Variants in SLC17A6 observed in about 807,000 individuals in gnomAD.
The protein encoded by SLC17A6 is solute carrier family 17 member 6.
Under a neutral mutation model 67.1 loss-of-function variants are expected in SLC17A6, and 35 were observed. That is an observed-to-expected ratio of 0.52 (90% CI 0.40 to 0.69). The LOEUF (loss-of-function observed/expected upper bound fraction) is 0.69, where lower values mean the gene tolerates loss of function less well. Ranked by LOEUF, SLC17A6 falls within the 30% of genes least tolerant of loss-of-function variation. The pLI is 0.00. For synonymous variants in SLC17A6, 285 were observed against 252.3 expected (o/e 1.13, Z -1.23); for missense variants, 588 against 723.9 (o/e 0.81, Z 2.15).
chr11:22,373,236 G>A (rs900227576), intron 8 of SLC17A6, among the ~76,000 whole-genome samples: 2 of 152,140 alleles, frequency 1.3e-5, no homozygotes, highest in African/African-American at 4.8e-5. Context: ...AGTCGTTTAT[G>A]TGGACTTAGG....
At chr11:22,355,364 A>G (rs181525504) in intron 3 of SLC17A6, among the ~76,000 whole-genome samples, 46 of 152,274 alleles carry the variant, frequency 3.0e-4, no homozygotes, top group Non-Finnish European at 5.0e-4. Flanking sequence ...AAATTACTGT[A>G]GCATTATATC....
At chr11:22,357,745 A>G (rs1354727854) in intron 3 of SLC17A6, among the ~76,000 whole-genome samples, 3 of 152,222 alleles carry the variant, frequency 2.0e-5, no homozygotes, top group Admixed American at 6.5e-5. Context: ...AACAATTATA[A>G]TAAAATAAGA....
chr11:22,338,745 C>T (rs1418296896), intron 1 of SLC17A6, 126 bp downstream of exon 1: 25 of 699,122 alleles, frequency 3.6e-5, no homozygotes, highest in South Asian at 3.6e-5. Flanking sequence ...TTGCCCATTG[C>T]TTGGAGCGGG....
intron 1 of SLC17A6, among the ~76,000 whole-genome samples, chr11:22,341,267 C>T (rs78293614): frequency 0.01 from 1,558 of 152,254 alleles, 27 homozygotes; most frequent in African/African-American, 0.035. Flanking sequence ...GGGTGGATCC[C>T]GAGATGGGGA....
At chr11:22,362,608 A>G (rs1648408590) in intron 5 of SLC17A6, 131 bp from the exon 6 acceptor site, 1 of 693,194 alleles carries the variant, frequency 1.4e-6, no homozygotes, top group Admixed American at 2.1e-5. Flanking sequence ...GATGGAGGGT[A>G]TGTGCATGGG....
chr11:22,338,591 G>A lies in SLC17A6; in HGVS notation c.58G>A (p.Ala20Thr), dbSNP rs770093055. 6.2e-7 allele frequency: 1 copy of A among 1,613,730 alleles called. No homozygotes were observed. Among genetic ancestry groups the A allele is most frequent in the East Asian group, 2.2e-5 (1 of 44,866 alleles). Residue 20 changes from alanine (A) to threonine (T), a missense_variant, in exon 1 of 12, where the codon GCT becomes ACT. By Grantham distance (58) the Ala-to-Thr change is moderately conservative. This residue lies in a region of SLC17A6 where 117 missense variants were observed against 98.7 expected (regional missense o/e 1.19). Transcript: ENST00000263160. ...APGKEGLKNF[A>T]GKSLGQIYRV... ...AGGAAAAGAGGGGCTAAAGAATTTTGCTGGAAAATCACTCGGCCAGATCTA... is the reference window on the plus strand; with the variant it reads ...AGGAAAAGAGGGGCTAAAGAATTTTACTGGAAAATCACTCGGCCAGATCTA...
At chr11:22,367,416 C>T (rs1290505154) in intron 7 of SLC17A6, among the ~76,000 whole-genome samples, 2 of 152,134 alleles carry the variant, frequency 1.3e-5, no homozygotes, top group Admixed American at 1.3e-4. Flanking sequence ...GTAGTTGTTC[C>T]ATGAGTTAGC....
intron 3 of SLC17A6, among the ~76,000 whole-genome samples, chr11:22,357,894 G>C (rs7129163): frequency 0.28 from 43,305 of 152,004 alleles, 6,476 homozygotes; most frequent in East Asian, 0.52. Context: ...CACTTCATGA[G>C]TGATCATTTA....
intron 3 of SLC17A6, among the ~76,000 whole-genome samples, chr11:22,346,054 A>T (rs527862612): frequency 6.6e-6 from 1 of 152,340 alleles, no homozygotes; most frequent in Admixed American, 6.5e-5. Flanking sequence ...TCCACTTATG[A>T]GCATCATGTA....
intron 3 of SLC17A6, among the ~76,000 whole-genome samples, chr11:22,346,001 C>T (rs1855871589): frequency 6.6e-6 from 1 of 152,180 alleles, no homozygotes; most frequent in African/African-American, 2.4e-5. Flanking sequence ...CTATTATGAT[C>T]TCTTTTTCAA....
At chr11:22,346,804 G>C (rs182355605) in intron 3 of SLC17A6, among the ~76,000 whole-genome samples, 11 of 147,714 alleles carry the variant, frequency 7.4e-5, no homozygotes, top group African/African-American at 2.7e-4. Context: ...GGCATAAATA[G>C]CATATATATA....
intron 4 of SLC17A6, 100 bp from the exon 5 acceptor site, chr11:22,360,797 G>A (rs1369659912): frequency 1.9e-5 from 17 of 887,096 alleles, no homozygotes; most frequent in Non-Finnish European, 2.8e-5. Flanking sequence ...AGAAAATTGA[G>A]GTGGAAGGAA....
chr11:22,350,381 A>G (rs1590381822), intron 3 of SLC17A6, among the ~76,000 whole-genome samples: 1 of 152,216 alleles, frequency 6.6e-6, no homozygotes, highest in Non-Finnish European at 1.5e-5. Flanking sequence ...CAAGTAGAAG[A>G]AAAGCAGAAA....
chr11:22,369,391 G>A (rs1055798621), intron 7 of SLC17A6, among the ~76,000 whole-genome samples: 3 of 151,904 alleles, frequency 2.0e-5, no homozygotes, highest in Admixed American at 6.6e-5. Context: ...CCAAAGGTAC[G>A]CTGGGGGTAG....
In SLC17A6 at chr11:22,377,668, A is replaced by G; in HGVS notation, c.1677A>G (p.Glu559=). Residue 559 remains glutamate, a synonymous_variant, in exon 12 of 12, where the codon GAA becomes GAG. Coordinates refer to ENST00000263160, the MANE Select transcript of SLC17A6 (RefSeq NM_020346.3). ...ATGGAGGTTGGCCTAGTGGTTGGGAAAAGAAAGAGGAATTTGTACAAGGAG... is the reference window on the plus strand; with the variant it reads ...ATGGAGGTTGGCCTAGTGGTTGGGAGAAGAAAGAGGAATTTGTACAAGGAG... ...QANGGWPSGW[E]KKEEFVQGEV... is the part of the protein sequence containing the mutation. 6.2e-7 allele frequency: 1 copy of G among 1,613,290 alleles called. No homozygotes were observed. Among genetic ancestry groups the G allele is most frequent in the South Asian group, 1.1e-5 (1 of 90,790 alleles).
chr11:22,338,752 C>A (rs1855765438), intron 1 of SLC17A6, 133 bp downstream of exon 1: 4 of 661,432 alleles, frequency 6.0e-6, no homozygotes, highest in Non-Finnish European at 1.1e-5. Context: ...TTGCTTGGAG[C>A]GGGGGTGCTC....
At chr11:22,346,581 G>C (rs1227857793) in intron 3 of SLC17A6, among the ~76,000 whole-genome samples, 1 of 151,810 alleles carries the variant, frequency 6.6e-6, no homozygotes, top group East Asian at 1.9e-4. Context: ...AGGGTGGGGG[G>C]TCAAAGGAAA....
chr11:22,345,139 A>G lies in SLC17A6; in HGVS notation c.458+1774A>G, dbSNP rs115286432. ...GCTAACATTTTCCTGCCGGGAAAAA[A>G]CACCAGGGATGCTCCAGCTTTTCCT... On this transcript the variant is annotated intron_variant, in intron 3 of 11. Transcript: ENST00000263160. Among the ~76,000 whole-genome samples the G allele has an allele frequency of 9.4e-3, 1,423 of 152,128 alleles. 26 individuals are homozygous for G. The highest frequency in any genetic ancestry group is 0.033 in the African/African-American group (1,367 of 41,494).
chr11:22,350,374 G>A (rs866200226), intron 3 of SLC17A6, among the ~76,000 whole-genome samples: 1 of 152,058 alleles, frequency 6.6e-6, no homozygotes, highest in Non-Finnish European at 1.5e-5. Context: ...TGTGTGACAA[G>A]TAGAAGAAAA....
Sources: allele counts gnomAD v4.1 joint callset (sites outside exome capture counted in the v4.1 genomes callset), GRCh38; gene constraint gnomAD v4.1.1; regional missense constraint gnomAD v4.1.1; transcripts MANE v1.5; gene names NCBI Gene and HGNC (gene_info 2026-07-23, HGNC 2026-07-21).